The following MYO5C variants were observed in gnomAD, a reference collection of about 807,000 sequenced individuals.
MYO5C encodes the protein myosin VC.
A neutral mutation model predicts 235.7 loss-of-function variants in MYO5C; 194 were observed. The observed-to-expected ratio is 0.82, with a 90% confidence interval of 0.73 to 0.93. The LOEUF is 0.93. Ranked by LOEUF, MYO5C falls within the 40% of genes least tolerant of loss-of-function variation. The probability of loss-of-function intolerance (pLI) is 0.00; values close to 1 mark genes in which losing one functional copy is unlikely to be tolerated. For missense variants in MYO5C, 2,038 were observed against 2,127.2 expected, an observed-to-expected ratio of 0.96 and a Z score of 0.82; for synonymous variants, 707 against 754.8, an observed-to-expected ratio of 0.94 and a Z score of 1.04.
In MYO5C at chr15:52,254,273, G is replaced by A. The variant is rs1048195965; in HGVS notation, c.1396-816C>T. Among the ~76,000 whole-genome samples, 3 of 152,202 alleles carry A rather than the reference G, an allele frequency of 2.0e-5. No individual in the cohort carries two copies. The East Asian group carries it at 5.8e-4, about 29-fold the overall frequency. ...ATGAGACCTGGAGGATGGCTCAGAG[G>A]AGGGAAGAACCGGAGGCAGTGAGAC... is the stretch of plus-strand genomic sequence containing the variant. On this transcript the variant is annotated intron_variant, in intron 11 of 40. Transcript: ENST00000261839.
Position 52,218,544 on chromosome 15 carries a change from G to A in MYO5C, c.3929C>T (p.Ala1310Val). 4.3e-6 allele frequency: 7 copies of A among 1,614,216 alleles called. No homozygotes were observed. The highest frequency in any genetic ancestry group is 1.3e-5 in the African/African-American group (1 of 75,064). Reference protein sequence around the residue: ...SEVKCNFRQEASRLTLENRDL... With the variant: ...SEVKCNFRQEVSRLTLENRDL... ...CCTGTTTTCCAAAGTGAGCCGGGAT[G>A]CTTCCTGCCGGAAGTTACACTTGAC... The change falls in exon 32 of 41, where the codon GCA becomes GTA. Residue 1310 changes from alanine (A) to valine (V), a missense_variant. Coordinates refer to ENST00000261839, the MANE Select transcript of MYO5C (RefSeq NM_018728.4).
chr15:52,256,625 G>A lies in MYO5C; in HGVS notation c.1395+14C>T. ...CGGCTGAGAACTAGTCAAGAAGGCA[G>A]AAAGGTCACCTACCATGTTAAACTG... On this transcript the variant is annotated intron_variant, in intron 11 of 40. Transcript: ENST00000261839. 1 of 1,486,742 alleles carries A rather than the reference G, an allele frequency of 6.7e-7. No homozygotes were observed. Among genetic ancestry groups the A allele is most frequent in the Non-Finnish European group, 9.3e-7 (1 of 1,072,030 alleles). The allele number at this position is 1,486,742 out of a possible 1,614,324, so 92.1% of individuals were successfully genotyped here. A position where few individuals can be genotyped will look rare whatever the true frequency, so the allele number is the denominator to read the frequency against.
At position 52,269,824 on chromosome 15, in the gene MYO5C, C is replaced by T. The variant is rs2036882799; in HGVS notation, c.869G>A (p.Gly290Asp). The T allele has an allele frequency of 4.3e-6, 7 of 1,613,496 alleles. No individual in the cohort carries two copies. The highest frequency in any genetic ancestry group is 5.9e-6 in the Non-Finnish European group (7 of 1,179,604). The stretch of plus-strand genomic sequence containing the variant: ...ATTCACACCCTCAATGACAGTATTG[C>T]CTCCCATTCTTGTATAATTAAATTC... ...AEEFNYTRMG[G>D]NTVIEGVNDR... Residue 290 changes from glycine to aspartate, a missense_variant, in exon 8 of 41, where the codon GGC becomes GAC. By Grantham distance (94) the Gly-to-Asp change is moderately conservative. Coordinates refer to ENST00000261839, the MANE Select transcript of MYO5C (RefSeq NM_018728.4).
intron 17 of MYO5C, 91 bp downstream of exon 17, chr15:52,245,865 G>A: frequency 1.4e-5 from 17 of 1,216,012 alleles, no homozygotes; most frequent in Non-Finnish European, 1.9e-5. Flanking sequence ...CCAAAAGTAT[G>A]TGACAAAAAT....
intron 18 of MYO5C, 91 bp downstream of exon 18, chr15:52,245,263 T>C: frequency 1.1e-6 from 1 of 903,810 alleles, no homozygotes; most frequent in Admixed American, 1.7e-5. Context: ...ATGATTACAG[T>C]CCTGAGCATT....
chr15:52,248,608 T>G lies in MYO5C; in HGVS notation c.1746+92A>C, dbSNP rs76586635. The G allele has an allele frequency of 5.5e-6, 3 of 543,632 alleles. No homozygotes were observed. The East Asian group carries it at 1.3e-4, about 23-fold the overall frequency. 33.7% of individuals were successfully genotyped at this position (543,632 alleles called of 1,614,324 possible). Reference sequence around the variant, plus strand: ...AGTTCACACACACACACACACACACTCTCTCTCTCTCTCTCCTTACTCTTT... The same window carrying G: ...AGTTCACACACACACACACACACACGCTCTCTCTCTCTCTCCTTACTCTTT... On this transcript the variant is annotated intron_variant, in intron 14 of 40. Transcript: ENST00000261839.
At chr15:52,277,232 T>C (rs754297664) in intron 4 of MYO5C, 4 of 530,176 alleles carry the variant, frequency 7.5e-6, no homozygotes, top group Admixed American at 5.9e-5. Context: ...ACGAGCCTGC[T>C]TTGGGCTCCG....
chr15:52,220,916 C>T (rs1210062788), intron 30 of MYO5C, among the ~76,000 whole-genome samples: 1 of 152,042 alleles, frequency 6.6e-6, no homozygotes, highest in African/African-American at 2.4e-5. Context: ...CTTAAATGAT[C>T]CACCCATCAC....
In MYO5C at chr15:52,291,731, G is replaced by GTTTTTTTTTTTTTTTTTT. The variant is rs1196328559; in HGVS notation, c.27+3861_27+3878dup. On this transcript the variant is annotated intron_variant, in intron 1 of 40. Coordinates refer to ENST00000261839, the MANE Select transcript of MYO5C (RefSeq NM_018728.4). ...TTTTTTCTTTGTTTGCATATTTTAT[G>GTTTTTTTTTTTTTTTTTT]TTTTTTTTTTTTTTTTTTTTTTTTT... Among the ~76,000 whole-genome samples the GTTTTTTTTTTTTTTTTTT allele has an allele frequency of 5.9e-4, 31 of 52,552 alleles. 7 individuals are homozygous for GTTTTTTTTTTTTTTTTTT. Among genetic ancestry groups the GTTTTTTTTTTTTTTTTTT allele is most frequent in the East Asian group, 8.0e-4 (2 of 2,496 alleles). The allele number at this position is 52,552 out of a possible 152,430, so 34.5% of individuals were successfully genotyped here. A position where few individuals can be genotyped will look rare whatever the true frequency, so the allele number is the denominator to read the frequency against.
intron 4 of MYO5C, chr15:52,277,700 G>C: frequency 1.0e-5 from 4 of 387,182 alleles, no homozygotes; most frequent in Non-Finnish European, 2.0e-5. Flanking sequence ...ACAGAGGTGA[G>C]AACTGGCTTG....
intron 18 of MYO5C, 84 bp downstream of exon 18, chr15:52,245,270 C>T: frequency 2.1e-6 from 2 of 932,038 alleles, no homozygotes; most frequent in Non-Finnish European, 3.6e-6. Context: ...CAGTCCTGAG[C>T]ATTCAAGACA....
At chr15:52,261,890 G>A (rs138508397) in intron 9 of MYO5C, among the ~76,000 whole-genome samples, 62 of 152,296 alleles carry the variant, frequency 4.1e-4, no homozygotes, top group Non-Finnish European at 4.9e-4. Flanking sequence ...CACCATTCCA[G>A]CCCACCAGGA....
Position 52,204,916 on chromosome 15 carries a change from C to T in MYO5C, c.4769G>A (p.Ser1590Asn), listed in dbSNP as rs1396786943. 1.2e-6 allele frequency: 2 copies of T among 1,614,238 alleles called. No homozygotes were observed. Among genetic ancestry groups the T allele is most frequent in the Non-Finnish European group, 1.7e-6 (2 of 1,180,046 alleles). Residue 1590 changes from serine to asparagine, a missense_variant, in exon 38 of 41, where the codon AGC becomes AAC. By Grantham distance (46) the Ser-to-Asn change is conservative (BLOSUM62 1). Coordinates refer to ENST00000261839, the MANE Select transcript of MYO5C (RefSeq NM_018728.4). ...GCACATGTCCTTGCGCAGGAAGAGG[C>T]TGTTCAGCGTGACCGCCCCGATCAA... Reference protein sequence around the residue: ...FFLIGAVTLNSLFLRKDMCSC... With the variant: ...FFLIGAVTLNNLFLRKDMCSC...
chr15:52,281,963 C>T (rs1281408796), intron 2 of MYO5C, among the ~76,000 whole-genome samples: 1 of 152,204 alleles, frequency 6.6e-6, no homozygotes, highest in African/African-American at 2.4e-5. Flanking sequence ...ATTCTAAACC[C>T]GTCCAGTCAC....
intron 13 of MYO5C, among the ~76,000 whole-genome samples, chr15:52,249,672 CT>C (rs1314807752): frequency 1.3e-5 from 2 of 152,128 alleles, no homozygotes; most frequent in East Asian, 1.9e-4. Context: ...TGTACAAATT[CT>C]TCCAGAATGG....
chr15:52,242,919 G>A (rs2036258687), intron 19 of MYO5C: 2 of 152,250 alleles, frequency 1.3e-5, no homozygotes, highest in South Asian at 4.1e-4. Context: ...GAAATACTCA[G>A]AAAAGGAGTT....
At chr15:52,278,560 G>A (rs768880327) in intron 4 of MYO5C, among the ~76,000 whole-genome samples, 2 of 151,156 alleles carry the variant, frequency 1.3e-5, no homozygotes, top group Non-Finnish European at 2.9e-5. Flanking sequence ...AAGCTTAAAC[G>A]TCTCATAGCA....
chr15:52,211,883 G>T lies in MYO5C; in HGVS notation c.4143C>A (p.Asp1381Glu). 6.2e-7 allele frequency: 1 copy of T among 1,613,520 alleles called. No homozygotes were observed. The highest frequency in any genetic ancestry group is 1.1e-5 in the South Asian group (1 of 90,990). The change falls in exon 35 of 41, where the codon GAC becomes GAA. Residue 1381 changes from aspartate (D) to glutamate (E), a missense_variant and splice_region_variant. Physicochemically the swap from Asp to Glu is conservative, Grantham distance 45. Transcript: ENST00000261839. ...TCACCACCACGCCACGGGGCTTCAA[G>T]TCTGAAGCAGAGAGAGCCAATGAGG... ...EAKLIQNLIL[D>E]LKPRGVVVNM...
chr15:52,280,413 G>A (rs1015345500), intron 2 of MYO5C, among the ~76,000 whole-genome samples: 3 of 152,252 alleles, frequency 2.0e-5, no homozygotes, highest in Non-Finnish European at 2.9e-5. Context: ...TTAGCAGAAC[G>A]AAGGTGAGGC....
Sources: gnomAD v4.1 joint callset for allele counts (sites outside exome capture counted in the v4.1 genomes callset) on GRCh38, gnomAD v4.1.1 for gene constraint, MANE v1.5 for transcripts, NCBI Gene and HGNC (gene_info 2026-07-23, HGNC 2026-07-21) for gene names.